TRPM1: variants seen among roughly 807,000 people sequenced by gnomAD.
TRPM1 encodes TRPM1-203 APA Isoform, Intron 10.
A neutral mutation model predicts 149.4 loss-of-function variants in TRPM1; 113 were observed. The ratio of observed to expected loss-of-function variants is 0.76; its 90% CI spans 0.65 to 0.88. The LOEUF (loss-of-function observed/expected upper bound fraction) is 0.88. Among genes scored for constraint, TRPM1 ranks in the 40% least tolerant of loss-of-function variants. The pLI, the probability that TRPM1 is intolerant of heterozygous loss-of-function variation, is 0.00. For missense variants in TRPM1, 1,976 were observed against 2,038.7 expected (o/e 0.97, Z 0.59); for synonymous variants, 741 against 759.5 (o/e 0.98, Z 0.40).
chr15:31,003,522 G>A (rs1176770976), intron 27 of TRPM1, among the ~76,000 whole-genome samples: 1 of 152,180 alleles, frequency 6.6e-6, no homozygotes, highest in Non-Finnish European at 1.5e-5. Flanking sequence ...CACTCACTCC[G>A]GTGCCTGTCT....
chr15:31,122,402 T>C (rs2035892778), intron 1 of TRPM1, among the ~76,000 whole-genome samples: 1 of 152,226 alleles, frequency 6.6e-6, no homozygotes, highest in African/African-American at 2.4e-5. Context: ...CTGTCTTTGC[T>C]CACAGATGAC....
rs771126850 is a variant in TRPM1 at position 31,061,434 on chromosome 15, G to A, written c.1162+8C>T. 22 of 1,613,978 alleles carry A rather than the reference G, an allele frequency of 1.4e-5. No homozygotes were observed. In the East Asian group the frequency reaches 3.6e-4, roughly 26 times the overall value. The stretch of plus-strand genomic sequence containing the variant: ...AGGGACAGGAGTCACCATTTCCTGA[G>A]AGCTCACCTTTCAGCAGGGCAGTTA... On this transcript the variant is annotated splice_region_variant and intron_variant, in intron 10 of 27. Transcript: ENST00000256552.
At chr15:31,006,951 AT>A (rs1239105925) in intron 27 of TRPM1, among the ~76,000 whole-genome samples, 13 of 151,972 alleles carry the variant, frequency 8.6e-5, no homozygotes, top group African/African-American at 2.9e-4. Flanking sequence ...TCCTTAGCTC[AT>A]TTTTTTATTG....
chr15:31,079,010 G>A (rs2034786175), intron 2 of TRPM1, among the ~76,000 whole-genome samples: 1 of 152,204 alleles, frequency 6.6e-6, no homozygotes, highest in Non-Finnish European at 1.5e-5. Flanking sequence ...CTCACTGCTG[G>A]AGAAAGGAGT....
At chr15:31,134,807 G>T (rs982015681) in intron 1 of TRPM1, among the ~76,000 whole-genome samples, 2 of 152,200 alleles carry the variant, frequency 1.3e-5, no homozygotes, top group African/African-American at 4.8e-5. Context: ...TTTGAGACCA[G>T]CCTGACCAAC....
intron 2 of TRPM1, among the ~76,000 whole-genome samples, chr15:31,080,754 C>G (rs547907641): frequency 1.3e-5 from 2 of 151,264 alleles, no homozygotes; most frequent in East Asian, 3.9e-4. Context: ...TAGTCCCGCC[C>G]CTCGTCCTTT....
chr15:31,072,004 TATATATATATATATAG>T lies in TRPM1; in HGVS notation c.84-1794_84-1779del, dbSNP rs1482115995. ...ACATATATATATATATATATATATATATATATATATATATAGAGAGAGAGAGAGAGAGAGAGAGAGA... is the reference window on the plus strand; with the variant it reads ...ACATATATATATATATATATATATATAGAGAGAGAGAGAGAGAGAGAGAGA... On this transcript the variant is annotated intron_variant, in intron 3 of 27. Transcript: ENST00000256552. Among the ~76,000 whole-genome samples, 78 of 53,688 alleles carry T rather than the reference TATATATATATATATAG, an allele frequency of 1.5e-3. 2 individuals carry two copies. Among genetic ancestry groups the T allele is most frequent in the East Asian group, 8.0e-3 (8 of 1,006 alleles). 35.2% of individuals were successfully genotyped at this position (53,688 alleles called of 152,430 possible).
intron 1 of TRPM1, among the ~76,000 whole-genome samples, chr15:31,097,121 G>A (rs543209747): frequency 1.3e-5 from 2 of 152,250 alleles, no homozygotes; most frequent in East Asian, 3.9e-4. Flanking sequence ...TAAAACAATT[G>A]GGGTCTTTTC....
rs1290548622 is a variant in TRPM1, at chr15:31,049,511, T to C, written c.1438-2A>G. ...CATCGCTTGCTCCAAAGCATTCACC[T>C]GCAGGGACCAAGGGCCGGGAGCCTG... is the stretch of plus-strand genomic sequence containing the variant. On this transcript the variant is annotated splice_acceptor_variant, in intron 12 of 27. Transcript: ENST00000256552. LOFTEE classifies it high-confidence loss of function. 5.0e-6 allele frequency: 8 copies of C among 1,613,752 alleles called. No individual in the cohort carries two copies. The highest frequency in any genetic ancestry group is 6.8e-6 in the Non-Finnish European group (8 of 1,180,018).
intron 3 of TRPM1, among the ~76,000 whole-genome samples, chr15:31,071,718 C>G (rs957540299): frequency 1.3e-5 from 2 of 151,928 alleles, no homozygotes; most frequent in African/African-American, 4.8e-5. Flanking sequence ...AATCCCAACA[C>G]TTTGAGAGGC....
At chr15:31,037,567 A>T (rs980987507) in intron 20 of TRPM1, 144 bp downstream of exon 20, 13 of 1,150,676 alleles carry the variant, frequency 1.1e-5, no homozygotes, top group Non-Finnish European at 1.5e-5. Flanking sequence ...AGAGATCTCA[A>T]TTAGTCCCAG....
Position 31,035,627 on chromosome 15 carries a change from C to G in TRPM1, c.2619G>C (p.Val873=), listed in dbSNP as rs1037142868. The change falls in exon 21 of 28, where the codon GTG becomes GTC. Residue 873 remains valine, a synonymous_variant. Coordinates refer to ENST00000256552, the MANE Select transcript of TRPM1 (RefSeq NM_001252024.2). The part of the protein sequence containing the change: ...YLLLFNYVIL[V]RMDGWPSLQE... ...GGAGGGACGGCCAGCCATCCATCCG[C>G]ACCAGGATGACGTAGTTAAACAGCA... 6.2e-7 allele frequency: 1 copy of G among 1,614,192 alleles called. No homozygotes were observed. Among genetic ancestry groups the G allele is most frequent in the Admixed American group, 1.7e-5 (1 of 60,022 alleles).
In TRPM1 at chr15:31,040,490, G is replaced by A; in HGVS notation, c.2088-144C>T. On this transcript the variant is annotated intron_variant, in intron 17 of 27. Transcript: ENST00000256552. The surrounding 1 kb of genome is among the most constrained non-coding windows in gnomAD (Gnocchi z 4.2). ...CTCTGAGGTTCTCTGCAAGCAAGAAGCTCCAGGGATGTGTCCCCAAAGGGG... is the reference window on the plus strand; with the variant it reads ...CTCTGAGGTTCTCTGCAAGCAAGAAACTCCAGGGATGTGTCCCCAAAGGGG... 1.4e-6 allele frequency: 1 copy of A among 739,656 alleles called. No homozygotes were observed. The allele number at this position is 739,656 out of a possible 1,614,324, so 45.8% of individuals were successfully genotyped here.
intron 1 of TRPM1, among the ~76,000 whole-genome samples, chr15:31,089,252 G>A (rs2035144563): frequency 6.6e-6 from 1 of 152,092 alleles, no homozygotes; most frequent in Non-Finnish European, 1.5e-5. Flanking sequence ...CCACTGGGTG[G>A]GTTTCTGAGG....
chr15:31,057,639 A>G (rs745313810), intron 11 of TRPM1, among the ~76,000 whole-genome samples: 6 of 151,892 alleles, frequency 4.0e-5, no homozygotes, highest in African/African-American at 9.7e-5. Context: ...AAAGAGTGCA[A>G]TAATTTTGCC....
intron 27 of TRPM1, among the ~76,000 whole-genome samples, chr15:31,004,969 G>T (rs920897790): frequency 2.0e-5 from 3 of 152,076 alleles, no homozygotes; most frequent in Non-Finnish European, 4.4e-5. Context: ...GGGCACAGTG[G>T]TGTGTGCCGG....
In TRPM1 at chr15:31,070,154, C is replaced by T. The variant is rs2034494834; in HGVS notation, c.156G>A (p.Glu52=). The change falls in exon 4 of 28, where the codon GAG becomes GAA. Residue 52 remains glutamate (E), a synonymous_variant. Coordinates refer to ENST00000256552, the MANE Select transcript of TRPM1 (RefSeq NM_001252024.2). ...LPSATPSKNE[E]ESKQVETQPE... is the part of the protein sequence containing the mutation. ...GCTGAGTCTCCACCTGTTTGCTTTC[C>T]TCTTCATTTTTGCTGGGTGTTGCAC... The T allele has an allele frequency of 6.2e-7, 1 of 1,614,116 alleles. No individual in the cohort carries two copies. The highest frequency in any genetic ancestry group is 1.3e-5 in the African/African-American group (1 of 75,042).
At chr15:31,020,202 A>G (rs2032508655) in intron 27 of TRPM1, among the ~76,000 whole-genome samples, 1 of 152,348 alleles carries the variant, frequency 6.6e-6, no homozygotes, top group East Asian at 1.9e-4. Flanking sequence ...TGAAGCCCTC[A>G]TTAATAACCT....
intron 1 of TRPM1, among the ~76,000 whole-genome samples, chr15:31,113,104 C>T (rs1218976991): frequency 2.0e-5 from 3 of 152,194 alleles, no homozygotes; most frequent in Admixed American, 6.5e-5. Flanking sequence ...GGGCTGCTGT[C>T]TTGGCTTTAG....
Sources: allele counts gnomAD v4.1 joint callset (sites outside exome capture counted in the v4.1 genomes callset), GRCh38; gene constraint gnomAD v4.1.1; non-coding constraint Gnocchi (gnomAD v3.1); transcripts MANE v1.5; gene names NCBI Gene and HGNC (gene_info 2026-07-23, HGNC 2026-07-21).